Variants in SLC22A2 observed in about 807,000 individuals in gnomAD.
SLC22A2 encodes organic cation transporter 2.
In SLC22A2, 46 loss-of-function variants were observed where a neutral mutation model predicts 60.5. That is an observed-to-expected ratio of 0.76 (90% CI 0.60 to 0.97). The LOEUF is 0.97. Among genes scored for constraint, SLC22A2 ranks in the 50% least tolerant of loss-of-function variants. The probability of loss-of-function intolerance (pLI) is 0.00; values close to 1 mark genes in which losing one functional copy is unlikely to be tolerated. For synonymous variants in SLC22A2, 303 were observed against 267.0 expected (o/e 1.13, Z -1.31); for missense variants, 701 against 706.6 (o/e 0.99, Z 0.09).
chr6:160,237,889 C>T (rs1782936304), intron 9 of SLC22A2, among the ~76,000 whole-genome samples: 1 of 152,194 alleles, frequency 6.6e-6, no homozygotes, highest in Non-Finnish European at 1.5e-5. Flanking sequence ...TGAGAGTGAC[C>T]TCTGGTTGTC....
chr6:160,249,516 AT>A (rs1160387230), intron 3 of SLC22A2, 132 bp from the exon 4 acceptor site: 4 of 704,198 alleles, frequency 5.7e-6, no homozygotes, highest in Non-Finnish European at 9.6e-6. Flanking sequence ...CTCTCTGAAT[AT>A]TTTTAAGTGT....
At chr6:160,234,468 C>A (rs974112029) in intron 9 of SLC22A2, among the ~76,000 whole-genome samples, 2 of 152,212 alleles carry the variant, frequency 1.3e-5, no homozygotes, top group Admixed American at 1.3e-4. Flanking sequence ...TCCTTCCCCA[C>A]CCTGCCACAG....
chr6:160,241,482 A>G lies in SLC22A2; in HGVS notation c.1493T>C (p.Met498Thr), dbSNP rs765751781. ...CTGTGAAGATTTCTTACCGAAAACCATCAGCGGGAGCTCAAGCCAGATGTT... is the reference window on the plus strand; with the variant it reads ...CTGTGAAGATTTCTTACCGAAAACCGTCAGCGGGAGCTCAAGCCAGATGTT... ...LTNIWLELPL[M>T]VFGVLGLVAG... The change falls in exon 9 of 11, where the codon ATG becomes ACG. Residue 498 changes from methionine (M) to threonine (T), a missense_variant. Physicochemically the swap from Met to Thr is moderately conservative, Grantham distance 81. Coordinates refer to ENST00000366953, the MANE Select transcript of SLC22A2 (RefSeq NM_003058.4). The G allele has an allele frequency of 5.6e-6, 9 of 1,610,382 alleles. No individual in the cohort carries two copies. The South Asian group carries it at 7.7e-5, about 14-fold the overall frequency.
chr6:160,256,557 A>C, intron 2 of SLC22A2, 57 bp downstream of exon 2: 1 of 1,208,748 alleles, frequency 8.3e-7, no homozygotes, highest in South Asian at 1.2e-5. Flanking sequence ...AGGTGCATCC[A>C]AGTGTTCTCC....
chr6:160,241,414 G>C (rs1782998336), intron 9 of SLC22A2, 60 bp downstream of exon 9: 3 of 1,032,966 alleles, frequency 2.9e-6, no homozygotes, highest in Non-Finnish European at 3.0e-6. Flanking sequence ...AAGTAGAAGA[G>C]AAGTGAAGGT....
Position 160,258,638 on chromosome 6 carries a change from G to A in SLC22A2, c.120C>T (p.Ile40=), listed in dbSNP as rs1222500347. The change falls in exon 1 of 11, where the codon ATC becomes ATT. Residue 40 remains isoleucine (I), a synonymous_variant. Coordinates refer to ENST00000366953, the MANE Select transcript of SLC22A2 (RefSeq NM_003058.4). ...GGTCAGGGGTGAAGCCCAGGAAGAC[G>A]ATGCCCACGTAGATGGGCGCGAAGG... ...SATFAPIYVG[I]VFLGFTPDHR... 4 of 1,613,924 alleles carry A rather than the reference G, an allele frequency of 2.5e-6. No individual in the cohort carries two copies. The highest frequency in any genetic ancestry group is 1.7e-6 in the Non-Finnish European group (2 of 1,179,926).
At chr6:160,256,512 G>A (rs1783273818) in intron 2 of SLC22A2, 102 bp downstream of exon 2, 1 of 767,240 alleles carries the variant, frequency 1.3e-6, no homozygotes, top group Non-Finnish European at 2.3e-6. Context: ...ATTGTGGTCT[G>A]TGTGCTTGGG....
At chr6:160,236,178 T>C (rs1025895312) in intron 9 of SLC22A2, among the ~76,000 whole-genome samples, 3 of 152,204 alleles carry the variant, frequency 2.0e-5, no homozygotes, top group Non-Finnish European at 4.4e-5. Flanking sequence ...TATTCTTGAA[T>C]GCAGGTTTCT....
Position 160,250,692 on chromosome 6 carries a change from T to C in SLC22A2, c.529A>G (p.Lys177Glu). 6.2e-7 allele frequency: 1 copy of C among 1,613,980 alleles called. No individual in the cohort carries two copies. Among genetic ancestry groups the C allele is most frequent in the Non-Finnish European group, 8.5e-7 (1 of 1,179,888 alleles). The change falls in exon 3 of 11, where the codon AAG becomes GAG. Residue 177 changes from lysine to glutamate, a missense_variant. Coordinates refer to ENST00000366953, the MANE Select transcript of SLC22A2 (RefSeq NM_003058.4). Reference protein sequence around the residue: ...IGYIADRFGRKLCLLTTVLIN... With the variant: ...IGYIADRFGRELCLLTTVLIN... Reference sequence around the variant, plus strand: ...AGGACTGTAGTTAGGAGGCAGAGCTTACGGCCAAACCTGCAGGAAGAAAAA... The same window carrying C: ...AGGACTGTAGTTAGGAGGCAGAGCTCACGGCCAAACCTGCAGGAAGAAAAA...
Position 160,242,907 on chromosome 6 carries a change from T to G in SLC22A2, c.1280-505A>C, listed in dbSNP as rs9347402. ...TTAGTATCATATGGAATAATTTCAC[T>G]GCCCTAAAAATCCTCTGTGTTCTCT... On this transcript the variant is annotated intron_variant, in intron 7 of 10. Transcript: ENST00000366953. 3.4e-4 allele frequency among the ~76,000 whole-genome samples: 52 copies of G among 152,336 alleles called. 1 individual carries two copies. The East Asian group carries it at 7.7e-3, about 23-fold the overall frequency.
At chr6:160,256,415 G>A (rs1422714014) in intron 2 of SLC22A2, among the ~76,000 whole-genome samples, 199 bp downstream of exon 2, 1 of 152,206 alleles carries the variant, frequency 6.6e-6, no homozygotes, top group Non-Finnish European at 1.5e-5. Flanking sequence ...TGACCCCAGA[G>A]AATTTGAAAA....
Position 160,247,538 on chromosome 6 carries a change from C to T in SLC22A2, c.843-240G>A, listed in dbSNP as rs573452605. Reference sequence around the variant, plus strand: ...GCAGGGTGCGGCTGAACATCCAGCTCCTCTTGCAAGGAGGAGAGGCAGGTC... The same window carrying T: ...GCAGGGTGCGGCTGAACATCCAGCTTCTCTTGCAAGGAGGAGAGGCAGGTC... On this transcript the variant is annotated intron_variant, in intron 4 of 10. Coordinates refer to ENST00000366953, the MANE Select transcript of SLC22A2 (RefSeq NM_003058.4). Among the ~76,000 whole-genome samples, 43 of 152,318 alleles carry T rather than the reference C, an allele frequency of 2.8e-4. No homozygotes were observed. The South Asian group carries it at 8.5e-3, about 30-fold the overall frequency.
intron 6 of SLC22A2, chr6:160,244,170 T>C (rs924693865): frequency 2.0e-4 from 35 of 177,776 alleles, no homozygotes; most frequent in African/African-American, 6.6e-4. Context: ...CTGCAAACTC[T>C]ACCTTTCAGT....
At chr6:160,250,780 G>A (rs1783173144) in intron 2 of SLC22A2, 78 bp from the exon 3 acceptor site, 15 of 1,451,640 alleles carry the variant, frequency 1.0e-5, no homozygotes, top group Non-Finnish European at 1.3e-5. Context: ...TGGAAGTTAT[G>A]GAAATCTAAA....
chr6:160,257,333 T>C (rs1783290569), intron 1 of SLC22A2, among the ~76,000 whole-genome samples: 1 of 152,218 alleles, frequency 6.6e-6, no homozygotes, highest in South Asian at 2.1e-4. Context: ...CTGCATTTGC[T>C]CTTATTTGGA....
intron 10 of SLC22A2, among the ~76,000 whole-genome samples, chr6:160,220,313 G>A (rs1185608198): frequency 2.0e-5 from 3 of 152,158 alleles, no homozygotes; most frequent in Non-Finnish European, 4.4e-5. Flanking sequence ...GTTTTATCAC[G>A]AGGTTGAAGC....
intron 7 of SLC22A2, among the ~76,000 whole-genome samples, chr6:160,243,123 G>A (rs968333997): frequency 1.3e-5 from 2 of 152,118 alleles, no homozygotes; most frequent in East Asian, 1.9e-4. Flanking sequence ...GTTCCCCTTC[G>A]TTGAGGAAGC....
Position 160,242,334 on chromosome 6 carries a change from C to T in SLC22A2, c.1348G>A (p.Val450Ile), listed in dbSNP as rs1783022829. The T allele has an allele frequency of 5.0e-6, 8 of 1,610,080 alleles. No homozygotes were observed. The East Asian group carries it at 1.8e-4, about 36-fold the overall frequency. Residue 450 changes from valine (V) to isoleucine (I), a missense_variant, in exon 8 of 11, where the codon GTC becomes ATC. By Grantham distance (29) the Val-to-Ile change is conservative (BLOSUM62 3). Transcript: ENST00000366953. ...RMGITMAYEIVCLVNAELYPT... is the reference protein window; with the variant it reads ...RMGITMAYEIICLVNAELYPT... ...TACAGCTCAGCATTGACCAGGCAGA[C>T]TATCTCATAGGCCATTGTGATCCCC...
At chr6:160,250,332 T>A (rs912247512) in intron 3 of SLC22A2, among the ~76,000 whole-genome samples, 2 of 152,226 alleles carry the variant, frequency 1.3e-5, no homozygotes, top group Non-Finnish European at 2.9e-5. Flanking sequence ...GGTGGCATTA[T>A]GTTTACCCTT....
Sources: allele counts gnomAD v4.1 joint callset (sites outside exome capture counted in the v4.1 genomes callset), GRCh38; gene constraint gnomAD v4.1.1; transcripts MANE v1.5; gene names NCBI Gene and HGNC (gene_info 2026-07-23, HGNC 2026-07-21).